The following GNG12 variants were observed in gnomAD, a reference collection of about 807,000 sequenced individuals.
GNG12 encodes the protein guanine nucleotide-binding protein G(I)/G(S)/G(O) subunit gamma-12.
For missense variants in GNG12, 69 were observed against 83.8 expected, an observed-to-expected ratio of 0.82 and a Z score of 0.69; for synonymous variants, 28 against 29.7, an observed-to-expected ratio of 0.94 and a Z score of 0.19.
At chr1:67,804,431 G>A (rs1407193407) in intron 1 of GNG12, among the ~76,000 whole-genome samples, 1 of 152,120 alleles carries the variant, frequency 6.6e-6, no homozygotes, top group Non-Finnish European at 1.5e-5. Flanking sequence ...GAAAATGCTA[G>A]GTGCACATTA....
intron 1 of GNG12, among the ~76,000 whole-genome samples, chr1:67,821,635 C>T (rs1395865706): frequency 6.6e-6 from 1 of 152,242 alleles, no homozygotes; most frequent in South Asian, 2.1e-4. Context: ...AGCCCACCCT[C>T]ACTTTCAATG....
chr1:67,796,082 G>A (rs775423765), intron 1 of GNG12, among the ~76,000 whole-genome samples: 3 of 152,164 alleles, frequency 2.0e-5, no homozygotes, highest in Non-Finnish European at 4.4e-5. Flanking sequence ...AATTTAACAT[G>A]TGACCGATTT....
intron 2 of GNG12, among the ~76,000 whole-genome samples, chr1:67,753,650 T>G (rs1646552037): frequency 6.6e-6 from 1 of 152,230 alleles, no homozygotes; most frequent in African/African-American, 2.4e-5. Context: ...GCTTCACTGC[T>G]GGGTTTGCAA....
intron 1 of GNG12, among the ~76,000 whole-genome samples, chr1:67,822,914 C>T (rs575861183): frequency 5.6e-4 from 85 of 152,146 alleles, no homozygotes; most frequent in African/African-American, 1.8e-3. Flanking sequence ...AAATAGCATC[C>T]CAAGAGCTGA....
At chr1:67,773,202 C>T (rs77062524) in intron 2 of GNG12, among the ~76,000 whole-genome samples, 2,555 of 152,284 alleles carry the variant, frequency 0.017, 62 homozygotes, top group African/African-American at 0.058. Context: ...CTGGGCTCCT[C>T]TCTGACAACG....
intron 2 of GNG12, among the ~76,000 whole-genome samples, chr1:67,732,752 T>C (rs969799564): frequency 6.6e-6 from 1 of 152,208 alleles, no homozygotes; most frequent in Non-Finnish European, 1.5e-5. Context: ...CCCCCAGGAC[T>C]AGGGAAAGGA....
intron 2 of GNG12, among the ~76,000 whole-genome samples, chr1:67,769,227 AC>A (rs200400000): frequency 0.011 from 1,627 of 152,306 alleles, 13 homozygotes; most frequent in Middle Eastern, 0.017. Flanking sequence ...CGCTGGCTTC[AC>A]CATGGGTTGG....
At chr1:67,807,854 T>C (rs1646902074) in intron 1 of GNG12, among the ~76,000 whole-genome samples, 1 of 152,162 alleles carries the variant, frequency 6.6e-6, no homozygotes, top group East Asian at 1.9e-4. Context: ...CAAGTTCAGA[T>C]GGATTCACTT....
At chr1:67,798,459 T>C (rs1646844866) in intron 1 of GNG12, among the ~76,000 whole-genome samples, 1 of 152,140 alleles carries the variant, frequency 6.6e-6, no homozygotes, top group African/African-American at 2.4e-5. Flanking sequence ...TATTGAAATA[T>C]TTTTAGAGAA....
chr1:67,822,967 C>T (rs1287039763), intron 1 of GNG12, among the ~76,000 whole-genome samples: 1 of 152,160 alleles, frequency 6.6e-6, no homozygotes, highest in African/African-American at 2.4e-5. Flanking sequence ...CATGCAACTC[C>T]GATCCCACAT....
intron 1 of GNG12, among the ~76,000 whole-genome samples, chr1:67,781,898 A>AT (rs1646739654): frequency 6.6e-6 from 1 of 152,106 alleles, no homozygotes; most frequent in African/African-American, 2.4e-5. Flanking sequence ...CCAAGGGGGG[A>AT]TGTCAAGAAA....
chr1:67,829,648 T>C (rs971421989), intron 1 of GNG12, among the ~76,000 whole-genome samples: 4 of 152,222 alleles, frequency 2.6e-5, no homozygotes, highest in African/African-American at 9.6e-5. Flanking sequence ...CTCACAACAC[T>C]TATTGAAGCA....
chr1:67,806,453 G>C (rs1001571966), intron 1 of GNG12, among the ~76,000 whole-genome samples: 1 of 151,964 alleles, frequency 6.6e-6, no homozygotes, highest in Non-Finnish European at 1.5e-5. Flanking sequence ...CATATATGGA[G>C]GGCCAACTTT....
chr1:67,710,607 T>C (rs1490665149), intron 2 of GNG12, among the ~76,000 whole-genome samples: 2 of 152,246 alleles, frequency 1.3e-5, no homozygotes, highest in East Asian at 3.9e-4. Context: ...CCCTCTAAAG[T>C]TGGCGAGACA....
chr1:67,803,658 T>TA (rs1176312841), intron 1 of GNG12, among the ~76,000 whole-genome samples: 1 of 152,232 alleles, frequency 6.6e-6, no homozygotes, highest in African/African-American at 2.4e-5. Flanking sequence ...ACAACAACCT[T>TA]ACGAAGTTAT....
intron 1 of GNG12, among the ~76,000 whole-genome samples, chr1:67,780,166 T>C (rs548180899): frequency 6.6e-6 from 1 of 152,328 alleles, no homozygotes; most frequent in Admixed American, 6.5e-5. Context: ...ACTGTTCAAG[T>C]GCTTTACATG....
At chr1:67,724,996 T>C (rs1031878010) in intron 2 of GNG12, among the ~76,000 whole-genome samples, 8 of 152,252 alleles carry the variant, frequency 5.3e-5, no homozygotes, top group East Asian at 1.9e-4. Flanking sequence ...ACGTTAATTA[T>C]TATCTACAAT....
intron 1 of GNG12, among the ~76,000 whole-genome samples, chr1:67,798,271 T>C (rs923121493): frequency 1.8e-4 from 27 of 152,210 alleles, no homozygotes; most frequent in African/African-American, 4.3e-4. Context: ...ACGAACCCTA[T>C]GGTGAACTGT....
intron 2 of GNG12, among the ~76,000 whole-genome samples, chr1:67,721,538 T>C (rs1270707616): frequency 2.6e-5 from 4 of 152,098 alleles, no homozygotes; most frequent in Admixed American, 6.5e-5. Flanking sequence ...AATTTCTAGA[T>C]AGAGCTTTTC....
Sources: gnomAD v4.1 joint callset for allele counts (sites outside exome capture counted in the v4.1 genomes callset) on GRCh38, gnomAD v4.1.1 for gene constraint, MANE v1.5 for transcripts, NCBI Gene and HGNC (gene_info 2026-07-23, HGNC 2026-07-21) for gene names.